Variants in ANKRD44 observed in about 807,000 individuals in gnomAD.
ANKRD44 encodes ankyrin repeat domain 44.
A neutral mutation model predicts 116.0 loss-of-function variants in ANKRD44; 35 were observed. The ratio of observed to expected loss-of-function variants is 0.30; its 90% CI spans 0.23 to 0.40. ANKRD44 has a LOEUF of 0.40. Among genes scored for constraint, ANKRD44 ranks in the 10% least tolerant of loss-of-function variants. The probability of loss-of-function intolerance (pLI) is 1.00; values close to 1 mark genes in which losing one functional copy is unlikely to be tolerated. For synonymous variants in ANKRD44, 435 were observed against 461.8 expected (o/e 0.94, Z 0.74); for missense variants, 1,014 against 1,242.6 (o/e 0.82, Z 2.77).
intron 1 of ANKRD44, chr2:197,301,267 G>C (rs2083900058): frequency 6.6e-6 from 1 of 152,188 alleles, no homozygotes; most frequent in Non-Finnish European, 1.5e-5. Context: ...GGGGAGAGCA[G>C]AGAGCCCCAG....
chr2:197,280,176 C>T (rs767659302), intron 1 of ANKRD44, among the ~76,000 whole-genome samples: 5 of 152,106 alleles, frequency 3.3e-5, no homozygotes, highest in Admixed American at 1.3e-4. Flanking sequence ...ATTGCAAGGT[C>T]GGAAAATCAC....
chr2:197,193,079 G>T (rs897603075), intron 1 of ANKRD44, among the ~76,000 whole-genome samples: 1 of 151,978 alleles, frequency 6.6e-6, no homozygotes, highest in African/African-American at 2.4e-5. Flanking sequence ...TATGAAAAAA[G>T]AATTACATCT....
intron 22 of ANKRD44, 122 bp downstream of exon 22, chr2:197,001,631 C>T (rs916699421): frequency 1.1e-4 from 77 of 678,730 alleles, no homozygotes; most frequent in Admixed American, 3.0e-5. Context: ...TCTTTAGCAG[C>T]AAAAATGGAA....
At chr2:197,123,437 C>T (rs753427382) in intron 6 of ANKRD44, among the ~76,000 whole-genome samples, 39 of 152,116 alleles carry the variant, frequency 2.6e-4, no homozygotes, top group Non-Finnish European at 4.3e-4. Context: ...ATAGAATAAG[C>T]CTGTACAACA....
At chr2:197,110,989 T>C in intron 8 of ANKRD44, 145 bp from the exon 9 acceptor site, 1 of 622,612 alleles carries the variant, frequency 1.6e-6, no homozygotes, top group Non-Finnish European at 2.9e-6. Flanking sequence ...AACATGAGGC[T>C]GCAGTGAGCT....
At chr2:197,084,185 G>A (rs1268776967) in intron 13 of ANKRD44, among the ~76,000 whole-genome samples, 2 of 152,002 alleles carry the variant, frequency 1.3e-5, no homozygotes, top group African/African-American at 2.4e-5. Context: ...CCTTTGATGG[G>A]GTATCTCTCT....
intron 10 of ANKRD44, among the ~76,000 whole-genome samples, chr2:197,093,099 A>AAC (rs147676501): frequency 0.069 from 10,003 of 144,480 alleles, 350 homozygotes; most frequent in Middle Eastern, 0.11. Context: ...AATACATACA[A>AAC]ACACACACAC....
chr2:197,194,688 T>C (rs1374881862), intron 1 of ANKRD44, among the ~76,000 whole-genome samples: 5 of 152,216 alleles, frequency 3.3e-5, no homozygotes, highest in African/African-American at 9.6e-5. Flanking sequence ...ATTCTCTCTA[T>C]ACGTATGCAT....
At position 197,240,078 on chromosome 2, in the gene ANKRD44, T is replaced by C. The variant is rs191084799; in HGVS notation, c.28-52972A>G. 1.4e-3 allele frequency among the ~76,000 whole-genome samples: 210 copies of C among 152,140 alleles called. 1 individual carries two copies. Among genetic ancestry groups the C allele is most frequent in the Admixed American group, 3.0e-3 (46 of 15,266 alleles). On this transcript the variant is annotated intron_variant, in intron 1 of 27. Coordinates refer to ENST00000282272, the MANE Select transcript of ANKRD44 (RefSeq NM_001195144.2). ...AAGAAAATCTAGATATAAATATATATATATTCAAGAGGTAAACCAGGCATG... is the reference window on the plus strand; with the variant it reads ...AAGAAAATCTAGATATAAATATATACATATTCAAGAGGTAAACCAGGCATG...
At chr2:197,290,801 GTTTT>G (rs1176698056) in intron 1 of ANKRD44, among the ~76,000 whole-genome samples, 2 of 148,750 alleles carry the variant, frequency 1.3e-5, no homozygotes, top group Non-Finnish European at 2.9e-5. Flanking sequence ...TTGTTTGTTT[GTTTT>G]TTGTTTTTTG....
intron 3 of ANKRD44, among the ~76,000 whole-genome samples, chr2:197,145,727 A>G (rs188180604): frequency 6.6e-6 from 1 of 152,306 alleles, no homozygotes; most frequent in Non-Finnish European, 1.5e-5. Context: ...GCATCACAGC[A>G]CAATTCTTGT....
chr2:197,111,802 A>T (rs1479738775), intron 8 of ANKRD44, among the ~76,000 whole-genome samples: 15 of 152,074 alleles, frequency 9.9e-5, no homozygotes, highest in Admixed American at 9.8e-4. Context: ...ACAAAACCAT[A>T]ATTTTTTATT....
chr2:197,088,517 A>G (rs1319247734), intron 12 of ANKRD44, among the ~76,000 whole-genome samples, 194 bp downstream of exon 12: 1 of 152,240 alleles, frequency 6.6e-6, no homozygotes, highest in Non-Finnish European at 1.5e-5. Flanking sequence ...TTGCTATTTG[A>G]AATGGGCTAA....
Position 197,054,296 on chromosome 2 carries a change from G to C in ANKRD44, c.1650+24407C>G, listed in dbSNP as rs78983933. On this transcript the variant is annotated intron_variant, in intron 16 of 27. Transcript: ENST00000282272. The stretch of plus-strand genomic sequence containing the variant: ...AAATTTATGATCAACAAAGAACTGA[G>C]AGAAACGGTTTGTTTTGCTATAATA... 2.7e-3 allele frequency among the ~76,000 whole-genome samples: 410 copies of C among 152,114 alleles called. 1 individual carries two copies. The highest frequency in any genetic ancestry group is 9.4e-3 in the African/African-American group (391 of 41,498).
At chr2:197,222,350 A>C (rs978943506) in intron 1 of ANKRD44, among the ~76,000 whole-genome samples, 1 of 152,210 alleles carries the variant, frequency 6.6e-6, no homozygotes. Context: ...CAAAACTACC[A>C]AGAATAGTGT....
chr2:197,162,149 C>T (rs561569612), intron 2 of ANKRD44, among the ~76,000 whole-genome samples: 2 of 152,318 alleles, frequency 1.3e-5, no homozygotes, highest in Admixed American at 6.5e-5. Flanking sequence ...TGGTATGTGG[C>T]ATTTTCCTCT....
intron 13 of ANKRD44, among the ~76,000 whole-genome samples, chr2:197,084,718 T>A (rs1429669849): frequency 6.6e-6 from 1 of 152,206 alleles, no homozygotes; most frequent in Admixed American, 6.5e-5. Flanking sequence ...AATCATTTAG[T>A]TTCTCTCTCA....
chr2:197,122,013 G>A (rs2078867850), intron 7 of ANKRD44, among the ~76,000 whole-genome samples: 1 of 152,140 alleles, frequency 6.6e-6, no homozygotes, highest in African/African-American at 2.4e-5. Context: ...TCCACTCTCT[G>A]TTTTGCTCTG....
intron 17 of ANKRD44, among the ~76,000 whole-genome samples, chr2:197,019,579 G>A (rs1216334031): frequency 6.6e-6 from 1 of 152,178 alleles, no homozygotes; most frequent in East Asian, 1.9e-4. Context: ...GGTTTCAAAG[G>A]TGGACCAGGC....
Sources: allele counts gnomAD v4.1 joint callset (sites outside exome capture counted in the v4.1 genomes callset), GRCh38; gene constraint gnomAD v4.1.1; transcripts MANE v1.5; gene names NCBI Gene and HGNC (gene_info 2026-07-23, HGNC 2026-07-21).